SV2C: variants seen among roughly 807,000 people sequenced by gnomAD.
SV2C encodes synaptic vesicle glycoprotein 2C.
A neutral mutation model predicts 79.7 loss-of-function variants in SV2C; 49 were observed. The observed-to-expected ratio is 0.61, with a 90% CI of 0.49 to 0.78. SV2C has a LOEUF of 0.78. Ranked by LOEUF, SV2C falls within the 30% of genes least tolerant of loss-of-function variation. The pLI is 0.00. For missense variants in SV2C, 833 were observed against 912.9 expected (o/e 0.91, Z 1.13); for synonymous variants, 334 against 333.2 (o/e 1.00, Z -0.03).
At chr5:75,921,656 G>C in the SV2C span, 3,542 of 714,720 alleles carry the variant, frequency 5.0e-3, 73 homozygotes, top group African/African-American at 0.045. Flanking sequence ...GCCAATGCGG[G>C]GGCCCCCTTT....
the SV2C span, among the ~76,000 whole-genome samples, chr5:75,856,135 G>C: frequency 6.6e-6 from 1 of 151,964 alleles, no homozygotes. Context: ...ATTCTTTTTG[G>C]GGCTGAATAG....
At chr5:75,854,914 C>G in the SV2C span, among the ~76,000 whole-genome samples, 1 of 152,120 alleles carries the variant, frequency 6.6e-6, no homozygotes, top group Admixed American at 6.5e-5. Flanking sequence ...TGAGGTTCTT[C>G]TTCCCCAGCC....
At chr5:75,919,552 T>G in the SV2C span, among the ~76,000 whole-genome samples, 1 of 152,212 alleles carries the variant, frequency 6.6e-6, no homozygotes, top group African/African-American at 2.4e-5. Flanking sequence ...ATCCTAAACC[T>G]TGTTCTCTTA....
chr5:75,936,710 T>C, the SV2C span, among the ~76,000 whole-genome samples: 1 of 152,232 alleles, frequency 6.6e-6, no homozygotes, highest in African/African-American at 2.4e-5. Flanking sequence ...TGTCTAATCA[T>C]TATTCACTCT....
intron 4 of SV2C, among the ~76,000 whole-genome samples, chr5:76,265,746 C>T (rs1458877055): frequency 6.6e-6 from 1 of 152,062 alleles, no homozygotes; most frequent in African/African-American, 2.4e-5. Context: ...TTGCACTCCC[C>T]ACTCCCCAGG....
chr5:76,337,860 G>T (rs944606953), downstream of SV2C, among the ~76,000 whole-genome samples: 4 of 152,104 alleles, frequency 2.6e-5, no homozygotes, highest in African/African-American at 9.7e-5. Context: ...AAAAAAACTT[G>T]GAGTCAGTAG....
intron 12 of SV2C, among the ~76,000 whole-genome samples, chr5:76,341,033 C>A (rs932394499): frequency 2.0e-5 from 3 of 150,512 alleles, no homozygotes; most frequent in African/African-American, 4.9e-5. Flanking sequence ...CAGGTTCAAG[C>A]GATTCTCCTG....
At chr5:75,867,977 TA>T in the SV2C span, among the ~76,000 whole-genome samples, 1 of 151,972 alleles carries the variant, frequency 6.6e-6, no homozygotes, top group Non-Finnish European at 1.5e-5. Flanking sequence ...TTGGGAGAGA[TA>T]AAGATGAGGA....
chr5:76,000,891 A>G, the SV2C span, among the ~76,000 whole-genome samples: 1 of 152,126 alleles, frequency 6.6e-6, no homozygotes, highest in Non-Finnish European at 1.5e-5. Context: ...TATTCAGAAC[A>G]CTGATTTTCA....
At chr5:76,109,774 T>C (rs1225239195) in intron 1 of SV2C, among the ~76,000 whole-genome samples, 1 of 152,148 alleles carries the variant, frequency 6.6e-6, no homozygotes, top group African/African-American at 2.4e-5. Context: ...TCTCTACAGG[T>C]GCCAGAGGGA....
upstream of SV2C, among the ~76,000 whole-genome samples, chr5:76,082,707 T>TCTGG (rs1747036314): frequency 6.7e-6 from 1 of 149,730 alleles, no homozygotes; most frequent in African/African-American, 2.5e-5. Context: ...AGCCCAGCTG[T>TCTGG]CTGGCCCTAT....
chr5:76,017,177 T>C, the SV2C span, among the ~76,000 whole-genome samples: 4 of 152,246 alleles, frequency 2.6e-5, no homozygotes, highest in African/African-American at 4.8e-5. Context: ...AGCATTGTTT[T>C]ACTTTTCTAC....
chr5:76,113,750 G>A (rs74542647), intron 1 of SV2C, among the ~76,000 whole-genome samples: 2,009 of 152,240 alleles, frequency 0.013, 30 homozygotes, highest in Non-Finnish European at 0.02. Flanking sequence ...GAACTCCTTA[G>A]CCATTTATTT....
chr5:76,299,819 G>A (rs1012102634), intron 10 of SV2C, among the ~76,000 whole-genome samples: 1 of 152,180 alleles, frequency 6.6e-6, no homozygotes, highest in African/African-American at 2.4e-5. Context: ...TGATCAGCAA[G>A]GAAGATAGTT....
intron 6 of SV2C, 23 bp from the exon 7 acceptor site, chr5:76,291,198 C>T: frequency 6.3e-7 from 1 of 1,575,978 alleles, no homozygotes; most frequent in Non-Finnish European, 8.7e-7. Context: ...TAACTTAGCG[C>T]TTTGGTCTGT....
At chr5:75,920,898 A>T in the SV2C span, 1 of 743,664 alleles carries the variant, frequency 1.3e-6, no homozygotes. Context: ...CAGGGTCAGC[A>T]GGCCCTGCAG....
At chr5:76,304,718 G>A (rs533523842) in intron 12 of SV2C, among the ~76,000 whole-genome samples, 9 of 152,260 alleles carry the variant, frequency 5.9e-5, no homozygotes, top group Non-Finnish European at 2.9e-5. Context: ...CTCACATGGT[G>A]GAAGGCAGAA....
chr5:75,998,408 A>G, the SV2C span, among the ~76,000 whole-genome samples: 1 of 152,146 alleles, frequency 6.6e-6, no homozygotes, highest in African/African-American at 2.4e-5. Flanking sequence ...TCATGCCATC[A>G]CTAGTAATGG....
the SV2C span, among the ~76,000 whole-genome samples, chr5:76,021,558 A>C: frequency 6.6e-6 from 1 of 152,186 alleles, no homozygotes; most frequent in Non-Finnish European, 1.5e-5. Context: ...TGCCTCACTC[A>C]TAGTAAGGGC....
Sources: gnomAD v4.1 joint callset for allele counts (sites outside exome capture counted in the v4.1 genomes callset) on GRCh38, gnomAD v4.1.1 for gene constraint, MANE v1.5 for transcripts, NCBI Gene and HGNC (gene_info 2026-07-23, HGNC 2026-07-21) for gene names.